The following ARHGEF10L variants were observed in gnomAD, a reference collection of about 807,000 sequenced individuals.
ARHGEF10L encodes Rho guanine nucleotide exchange factor 10 like.
A neutral mutation model predicts 141.2 loss-of-function variants in ARHGEF10L; 69 were observed. The observed-to-expected ratio is 0.49, with a 90% CI of 0.40 to 0.60. ARHGEF10L has a LOEUF of 0.60. Ranked by LOEUF, ARHGEF10L falls within the 20% of genes least tolerant of loss-of-function variation. The pLI, the probability that ARHGEF10L is intolerant of heterozygous loss-of-function variation, is 0.00. For synonymous variants in ARHGEF10L, 711 were observed against 718.5 expected (o/e 0.99, Z 0.17); for missense variants, 1,482 against 1,734.3 (o/e 0.85, Z 2.58).
At chr1:17,566,547 G>T (rs888061691) in intron 1 of ARHGEF10L, among the ~76,000 whole-genome samples, 1 of 152,232 alleles carries the variant, frequency 6.6e-6, no homozygotes. Flanking sequence ...TGGAGGCTGT[G>T]CACCTTGCCC....
At chr1:17,694,656 C>A (rs1173166020) in intron 27 of ARHGEF10L, 3 of 335,674 alleles carry the variant, frequency 8.9e-6, no homozygotes, top group African/African-American at 4.4e-5. Context: ...CACGGGCAGG[C>A]CCTGAGGGGC....
intron 18 of ARHGEF10L, among the ~76,000 whole-genome samples, chr1:17,635,555 T>C (rs1017549705): frequency 2.6e-5 from 4 of 152,204 alleles, no homozygotes; most frequent in Non-Finnish European, 4.4e-5. Context: ...GCCTGTGCCT[T>C]TTGCCAAGTA....
At chr1:17,618,404 G>C in intron 9 of ARHGEF10L, 1 of 1,542,948 alleles carries the variant, frequency 6.5e-7, no homozygotes, top group African/African-American at 1.4e-5. Flanking sequence ...GCAGGCTGGG[G>C]TGGGTGCGGA....
intron 7 of ARHGEF10L, among the ~76,000 whole-genome samples, chr1:17,610,903 C>A (rs1040270619): frequency 5.9e-5 from 9 of 152,012 alleles, no homozygotes; most frequent in Admixed American, 3.9e-4. Context: ...GCTGCCTCAT[C>A]CTGTTATGTG....
intron 2 of ARHGEF10L, among the ~76,000 whole-genome samples, chr1:17,582,593 G>A (rs2078670189): frequency 6.6e-6 from 1 of 152,214 alleles, no homozygotes; most frequent in South Asian, 2.1e-4. Context: ...TGTCTTTGCT[G>A]TGGCCTCTGC....
At chr1:17,667,348 G>C (rs2063049471) in intron 26 of ARHGEF10L, among the ~76,000 whole-genome samples, 5 of 152,212 alleles carry the variant, frequency 3.3e-5, no homozygotes. Context: ...CCTGCCCTTG[G>C]AGGGCCTCCA....
In ARHGEF10L at chr1:17,694,624, A is replaced by T. The variant is rs1458602403; in HGVS notation, c.3185-534A>T. On this transcript the variant is annotated intron_variant, in intron 27 of 28. Coordinates refer to ENST00000361221, the MANE Select transcript of ARHGEF10L (RefSeq NM_018125.4). The stretch of plus-strand genomic sequence containing the variant: ...CCCAGGGCCTGCAGGGTGTGCTGTG[A>T]CCTCATCTGAAGAAGCACCCACACG... 1.3e-4 allele frequency: 42 copies of T among 314,918 alleles called. No individual in the cohort carries two copies. In the Admixed American group the frequency reaches 2.0e-3, roughly 15 times the overall value. 19.5% of individuals were successfully genotyped at this position (314,918 alleles called of 1,614,324 possible).
chr1:17,662,699 G>T (rs1380594259), intron 25 of ARHGEF10L, among the ~76,000 whole-genome samples: 3 of 151,856 alleles, frequency 2.0e-5, no homozygotes, highest in Non-Finnish European at 4.4e-5. Flanking sequence ...GGTAGGGAAG[G>T]ATGGGGAGGG....
intron 18 of ARHGEF10L, among the ~76,000 whole-genome samples, chr1:17,637,234 G>C (rs945660903): frequency 3.3e-5 from 5 of 152,176 alleles, no homozygotes; most frequent in Non-Finnish European, 7.3e-5. Flanking sequence ...ACAACTTGCT[G>C]TTCATGGGCT....
At chr1:17,531,035 GA>G in the ARHGEF10L span, among the ~76,000 whole-genome samples, 2 of 151,930 alleles carry the variant, frequency 1.3e-5, no homozygotes. Flanking sequence ...ATAAAAAAAA[GA>G]AAAAAAGAAG....
intron 21 of ARHGEF10L, among the ~76,000 whole-genome samples, chr1:17,643,740 A>G (rs1315081754): frequency 6.6e-6 from 1 of 152,174 alleles, no homozygotes; most frequent in East Asian, 1.9e-4. Flanking sequence ...GAGATGGTGC[A>G]TGGAAGATGC....
intron 21 of ARHGEF10L, among the ~76,000 whole-genome samples, chr1:17,642,331 C>G (rs1385965138): frequency 9.9e-5 from 15 of 152,102 alleles, no homozygotes; most frequent in Non-Finnish European, 2.9e-5. Context: ...GAGGTAGGGA[C>G]AGAAGGAAGC....
chr1:17,530,963 C>A, the ARHGEF10L span, among the ~76,000 whole-genome samples: 4 of 151,828 alleles, frequency 2.6e-5, no homozygotes, highest in African/African-American at 9.7e-5. Context: ...CGAGATCGTG[C>A]CACTGCACTC....
Position 17,607,631 on chromosome 1 carries a change from G to GT in ARHGEF10L, c.434-170dup, listed in dbSNP as rs950920849. ...CTCCTTGCCCTACGAGGGGGAAAAT[G>GT]TATTATCATCTTCGTTTCATGGTTG... On this transcript the variant is annotated intron_variant, in intron 6 of 28. Coordinates refer to ENST00000361221, the MANE Select transcript of ARHGEF10L (RefSeq NM_018125.4). This position sits in a 1 kb window ranked among gnomAD's most constrained non-coding sequence, Gnocchi z 4.5. Among the ~76,000 whole-genome samples the GT allele has an allele frequency of 1.3e-5, 2 of 152,214 alleles. No homozygotes were observed. The highest frequency in any genetic ancestry group is 2.4e-5 in the African/African-American group (1 of 41,454).
chr1:17,687,469 A>G (rs2064700655), intron 26 of ARHGEF10L, 104 bp from the exon 27 acceptor site: 1 of 1,306,574 alleles, frequency 7.7e-7, no homozygotes, highest in East Asian at 2.4e-5. Context: ...GAGTAGCTTG[A>G]GCTTTTGAAG....
chr1:17,638,794 C>T, intron 20 of ARHGEF10L, 105 bp downstream of exon 20: 2 of 1,516,520 alleles, frequency 1.3e-6, no homozygotes, highest in Non-Finnish European at 1.8e-6. Context: ...TGTCGAGATG[C>T]CATGGTGGGA....
intron 1 of ARHGEF10L, among the ~76,000 whole-genome samples, chr1:17,551,398 G>A (rs909747153): frequency 6.6e-6 from 1 of 152,066 alleles, no homozygotes; most frequent in Non-Finnish European, 1.5e-5. Context: ...AGTGGAAAAG[G>A]CAGAGTTAGG....
In ARHGEF10L at chr1:17,558,633, C is replaced by T. The variant is rs76027873; in HGVS notation, c.-44+18683C>T. Among the ~76,000 whole-genome samples, 6,471 of 152,316 alleles carry T rather than the reference C, an allele frequency of 0.042. 214 individuals carry two copies. Among genetic ancestry groups the T allele is most frequent in the East Asian group, 0.15 (765 of 5,180 alleles). ...TCTTGCCTTTGGGAAGGCAGGTCAT[C>T]GTGGCTGGGGCAGGTGGGGACCTTT... is the stretch of plus-strand genomic sequence containing the variant. On this transcript the variant is annotated intron_variant, in intron 1 of 28. Coordinates refer to ENST00000361221, the MANE Select transcript of ARHGEF10L (RefSeq NM_018125.4). This position sits in a 1 kb window ranked among gnomAD's most constrained non-coding sequence, Gnocchi z 4.2.
intron 26 of ARHGEF10L, among the ~76,000 whole-genome samples, chr1:17,686,106 C>CTTTT (rs981055264): frequency 1.7e-4 from 17 of 99,352 alleles, no homozygotes; most frequent in African/African-American, 6.4e-4. Context: ...TTCTTTCTTT[C>CTTTT]TTTTTTTTTT....
Sources: gnomAD v4.1 joint callset for allele counts (sites outside exome capture counted in the v4.1 genomes callset) on GRCh38, gnomAD v4.1.1 for gene constraint, Gnocchi (gnomAD v3.1) non-coding constraint, MANE v1.5 for transcripts, NCBI Gene and HGNC (gene_info 2026-07-23, HGNC 2026-07-21) for gene names.